Variants in SHCBP1L observed in about 807,000 individuals in gnomAD.
SHCBP1L encodes SHC binding and spindle associated 1 like.
In SHCBP1L, 67 loss-of-function variants were observed where a neutral mutation model predicts 62.5. The observed-to-expected ratio is 1.07, with a 90% CI of 0.88 to 1.31. The LOEUF (loss-of-function observed/expected upper bound fraction) is 1.31, where lower values mean the gene tolerates loss of function less well. Among genes scored for constraint, SHCBP1L ranks in the 40% most tolerant of loss-of-function variants. SHCBP1L has a pLI of 0.00. For missense variants in SHCBP1L, 823 were observed against 809.8 expected, an observed-to-expected ratio of 1.02 and a Z score of -0.20; for synonymous variants, 284 against 289.4, an observed-to-expected ratio of 0.98 and a Z score of 0.19.
chr1:182,910,947 T>C (rs1425374612), intron 6 of SHCBP1L, among the ~76,000 whole-genome samples: 3 of 152,090 alleles, frequency 2.0e-5, no homozygotes, highest in Non-Finnish European at 2.9e-5. Context: ...TGGAGTGCAG[T>C]GGGACAATCT....
At chr1:182,939,673 T>C (rs1651294467) in intron 3 of SHCBP1L, 120 bp from the exon 4 acceptor site, 5 of 726,026 alleles carry the variant, frequency 6.9e-6, no homozygotes, top group Non-Finnish European at 1.1e-5. Flanking sequence ...CAAAATATTT[T>C]AAAATGACCT....
Position 182,918,157 on chromosome 1 carries a change from CAT to C in SHCBP1L, c.1182+11488_1182+11489del, listed in dbSNP as rs1340602948. 8.2e-5 allele frequency among the ~76,000 whole-genome samples: 12 copies of C among 146,784 alleles called. 1 individual carries two copies. Among genetic ancestry groups the C allele is most frequent in the Admixed American group, 4.8e-4 (7 of 14,570 alleles). On this transcript the variant is annotated intron_variant, in intron 6 of 9. Coordinates refer to ENST00000367547, the MANE Select transcript of SHCBP1L (RefSeq NM_030933.4). ...GTATATATATACACATATATATACACATATATATACACACATATATACATATA... is the reference window on the plus strand; with the variant it reads ...GTATATATATACACATATATATACACATATATACACACATATATACATATA...
intron 1 of SHCBP1L, among the ~76,000 whole-genome samples, chr1:182,952,235 T>TATATAC (rs1651796265): frequency 1.0e-3 from 44 of 42,828 alleles, no homozygotes; most frequent in Non-Finnish European, 1.5e-3. Context: ...TATATATATA[T>TATATAC]ACACACACAC....
At chr1:182,948,743 G>A (rs1651651773) in intron 2 of SHCBP1L, among the ~76,000 whole-genome samples, 1 of 152,020 alleles carries the variant, frequency 6.6e-6, no homozygotes, top group Non-Finnish European at 1.5e-5. Flanking sequence ...AGCGATCAGG[G>A]GCCCATAGGA....
At chr1:182,951,875 C>A in intron 1 of SHCBP1L, 1 of 343,612 alleles carries the variant, frequency 2.9e-6, no homozygotes, top group South Asian at 2.1e-5. Context: ...AGTCATGCCA[C>A]CAGGCACGGT....
At chr1:182,950,233 G>T (rs1289793526) in intron 2 of SHCBP1L, among the ~76,000 whole-genome samples, 1 of 152,228 alleles carries the variant, frequency 6.6e-6, no homozygotes, top group Admixed American at 6.5e-5. Flanking sequence ...TGGGGTAAGG[G>T]TATCATTTGT....
chr1:182,917,451 C>T (rs1161425499), intron 6 of SHCBP1L, among the ~76,000 whole-genome samples: 1 of 152,108 alleles, frequency 6.6e-6, no homozygotes, highest in East Asian at 1.9e-4. Flanking sequence ...ATCATGTTGG[C>T]CAGGCTGATC....
intron 6 of SHCBP1L, among the ~76,000 whole-genome samples, chr1:182,913,009 C>A (rs1000987025): frequency 6.6e-6 from 1 of 151,688 alleles, no homozygotes; most frequent in Admixed American, 6.6e-5. Context: ...GTGGTGTGCG[C>A]CTGTAATCCC....
At chr1:182,924,983 AGG>A (rs1650692158) in intron 6 of SHCBP1L, among the ~76,000 whole-genome samples, 3 of 145,150 alleles carry the variant, frequency 2.1e-5, no homozygotes, top group Admixed American at 6.8e-5. Flanking sequence ...AGAAAAAAAA[AGG>A]AAGAAGGAAA....
chr1:182,943,090 C>T (rs182691117), intron 2 of SHCBP1L, among the ~76,000 whole-genome samples: 50 of 152,068 alleles, frequency 3.3e-4, no homozygotes, highest in African/African-American at 1.2e-3. Flanking sequence ...AAATATGATA[C>T]TGAGCTTTAT....
intron 2 of SHCBP1L, among the ~76,000 whole-genome samples, chr1:182,947,181 G>T (rs749261964): frequency 2.9e-4 from 44 of 149,432 alleles, no homozygotes; most frequent in Non-Finnish European, 5.2e-4. Context: ...AGATTGCAGT[G>T]AGCCGAGATC....
At chr1:182,938,800 T>C (rs368331835) in intron 5 of SHCBP1L, among the ~76,000 whole-genome samples, 9 of 152,198 alleles carry the variant, frequency 5.9e-5, no homozygotes, top group African/African-American at 2.2e-4. Context: ...TTAAAAACTG[T>C]TATGTAGACA....
At position 182,903,076 on chromosome 1, in the gene SHCBP1L, T is replaced by G; in HGVS notation, c.1673A>C (p.Asn558Thr). ...TCCACCTAAGGTGCTTTTTGAACTG[T>G]TACTGGTTCTGAGGTTATTACAGTG... ...IHHCNNLRTS[N>T]SSKSTLGGVN... The change falls in exon 9 of 10, where the codon AAC (asparagine) becomes ACC (threonine). Residue 558 changes from asparagine (N) to threonine (T), a missense_variant. Transcript: ENST00000367547. 6.2e-7 allele frequency: 1 copy of G among 1,601,536 alleles called. No homozygotes were observed. Among genetic ancestry groups the G allele is most frequent in the Non-Finnish European group, 8.5e-7 (1 of 1,173,858 alleles).
At chr1:182,944,989 C>A (rs1651512218) in intron 2 of SHCBP1L, among the ~76,000 whole-genome samples, 1 of 127,010 alleles carries the variant, frequency 7.9e-6, no homozygotes, top group African/African-American at 3.4e-5. Flanking sequence ...GAGACGGAGC[C>A]TTTCTTTGTC....
chr1:182,936,098 C>T (rs945093222), intron 5 of SHCBP1L, among the ~76,000 whole-genome samples: 5 of 137,280 alleles, frequency 3.6e-5, no homozygotes, highest in Non-Finnish European at 8.0e-5. Flanking sequence ...TTTTCTGCCT[C>T]TTCTAGTGTT....
chr1:182,922,486 G>A (rs182389778), intron 6 of SHCBP1L, among the ~76,000 whole-genome samples: 231 of 151,768 alleles, frequency 1.5e-3, no homozygotes, highest in South Asian at 2.3e-3. Flanking sequence ...TCTGGAAGGT[G>A]GAGGTTGCAG....
chr1:182,920,443 T>C (rs1650493331), intron 6 of SHCBP1L, among the ~76,000 whole-genome samples: 4 of 152,054 alleles, frequency 2.6e-5, no homozygotes, highest in Admixed American at 2.6e-4. Context: ...GGACATCAAC[T>C]TCAAAGGAAC....
At chr1:182,949,827 C>CT (rs1193224921) in intron 2 of SHCBP1L, among the ~76,000 whole-genome samples, 19,063 of 136,914 alleles carry the variant, frequency 0.14, 2,382 homozygotes, top group African/African-American at 0.32. Flanking sequence ...ATATGGTATT[C>CT]TTTTTTTTTT....
At position 182,905,566 on chromosome 1, in the gene SHCBP1L, T is replaced by C. The variant is rs1571335543; in HGVS notation, c.1266A>G (p.Thr422=). The stretch of plus-strand genomic sequence containing the variant: ...GATATTCTCCTGGAAAAATTATTAC[T>C]GTATCTCCACTATAACAATTATCCA... The part of the protein sequence containing the change: ...LALDNCYSGD[T]VIIFPGEYQA... The change falls in exon 7 of 10, where the codon ACA becomes ACG. Residue 422 remains threonine (T), a synonymous_variant. Transcript: ENST00000367547. The C allele has an allele frequency of 1.9e-6, 3 of 1,613,796 alleles. No individual in the cohort carries two copies. Among genetic ancestry groups the C allele is most frequent in the Non-Finnish European group, 2.5e-6 (3 of 1,179,816 alleles).
Sources: gnomAD v4.1 joint callset for allele counts (sites outside exome capture counted in the v4.1 genomes callset) on GRCh38, gnomAD v4.1.1 for gene constraint, MANE v1.5 for transcripts, NCBI Gene and HGNC (gene_info 2026-07-23, HGNC 2026-07-21) for gene names.